TIAM1: variants seen among roughly 807,000 people sequenced by gnomAD.
The protein encoded by TIAM1 is TIAM Rac1 associated GEF 1.
A neutral mutation model predicts 163.5 loss-of-function variants in TIAM1; 65 were observed. That is an observed-to-expected ratio of 0.40 (90% CI 0.33 to 0.49). The LOEUF (loss-of-function observed/expected upper bound fraction) is 0.49, where lower values mean the gene tolerates loss of function less well. Among genes scored for constraint, TIAM1 ranks in the 20% least tolerant of loss-of-function variants. The pLI is 0.77. For synonymous variants in TIAM1, 833 were observed against 810.1 expected (o/e 1.03, Z -0.48); for missense variants, 1,789 against 2,044.7 (o/e 0.87, Z 2.41).
chr21:31,448,602 T>A (rs1321103884), intron 2 of TIAM1, among the ~76,000 whole-genome samples: 2 of 109,862 alleles, frequency 1.8e-5, no homozygotes, highest in African/African-American at 3.9e-5. Flanking sequence ...AGAGACTCCA[T>A]CTCAATTAAA....
chr21:31,152,354 C>T (rs928200526), intron 19 of TIAM1, among the ~76,000 whole-genome samples: 2 of 152,310 alleles, frequency 1.3e-5, no homozygotes, highest in Admixed American at 6.5e-5. Context: ...TTCTAATTCA[C>T]TGATAGCTAA....
intron 2 of TIAM1, among the ~76,000 whole-genome samples, chr21:31,337,657 G>C (rs767664874): frequency 5.3e-5 from 8 of 151,500 alleles, no homozygotes; most frequent in Admixed American, 1.3e-4. Context: ...TCAGCCTCCC[G>C]CGTAGCTGAG....
intron 5 of TIAM1, among the ~76,000 whole-genome samples, chr21:31,247,472 G>A (rs1055656314): frequency 6.6e-6 from 1 of 152,018 alleles, no homozygotes; most frequent in Admixed American, 6.5e-5. Context: ...ATAGCTCACT[G>A]CAGCCTTGAA....
At chr21:31,335,667 T>G (rs1408663689) in intron 2 of TIAM1, among the ~76,000 whole-genome samples, 1 of 150,162 alleles carries the variant, frequency 6.7e-6, no homozygotes, top group Non-Finnish European at 1.5e-5. Flanking sequence ...ATCACACCAC[T>G]GCACTCCAGC....
chr21:31,266,637 T>C lies in TIAM1; in HGVS notation c.336A>G (p.Val112=). 13 of 1,614,230 alleles carry C rather than the reference T, an allele frequency of 8.1e-6. No individual in the cohort carries two copies. The highest frequency in any genetic ancestry group is 1.1e-5 in the Non-Finnish European group (13 of 1,180,044). ...CTGCTGTGAGGACGATGCTGCTGTC[T>C]ACGCTGGGAGTGACAGAAGAGTCAG... ...SYTDSSVTPS[V]DSSIVLTAAS... Residue 112 remains valine (V), a synonymous_variant, in exon 4 of 28, where the codon GTA becomes GTG. Coordinates refer to ENST00000541036, the MANE Select transcript of TIAM1 (RefSeq NM_001353694.2).
intron 2 of TIAM1, among the ~76,000 whole-genome samples, chr21:31,329,516 C>T (rs2075607728): frequency 1.3e-5 from 2 of 151,584 alleles, no homozygotes; most frequent in South Asian, 2.1e-4. Flanking sequence ...CCCTGCTGTC[C>T]GTAACCACCC....
chr21:31,485,659 A>G (rs1306144511), intron 1 of TIAM1, among the ~76,000 whole-genome samples: 2 of 152,154 alleles, frequency 1.3e-5, no homozygotes, highest in Non-Finnish European at 1.5e-5. Flanking sequence ...CTCTAGAGAC[A>G]GCACACTCCT....
At chr21:31,448,598 T>C (rs1198983657) in intron 2 of TIAM1, among the ~76,000 whole-genome samples, 1 of 124,806 alleles carries the variant, frequency 8.0e-6, no homozygotes, top group Non-Finnish European at 1.6e-5. Flanking sequence ...AGAGAGAGAC[T>C]CCATCTCAAT....
In TIAM1 at chr21:31,339,409, C is replaced by T. The variant is rs1602035402; in HGVS notation, c.-355G>A. On this transcript the variant is annotated 5_prime_UTR_variant, in exon 2 of 28. Coordinates refer to ENST00000541036, the MANE Select transcript of TIAM1 (RefSeq NM_001353694.2). ...AGGTCTAGAAAGGTGGGTCTCAGTC[C>T]ACAGTGATTCTACCTATAAGAGCAA... The T allele has an allele frequency of 3.5e-5, 14 of 398,446 alleles. No individual in the cohort carries two copies. The Middle Eastern group carries it at 5.0e-3, about 141-fold the overall frequency. The allele number at this position is 398,446 out of a possible 1,614,324, so 24.7% of individuals were successfully genotyped here.
At chr21:31,166,679 T>C (rs914957226) in intron 15 of TIAM1, among the ~76,000 whole-genome samples, 3 of 152,332 alleles carry the variant, frequency 2.0e-5, no homozygotes, top group South Asian at 4.1e-4. Flanking sequence ...CTTAAGGTGG[T>C]AGTGGTCAAA....
intron 2 of TIAM1, among the ~76,000 whole-genome samples, chr21:31,402,471 C>A (rs945607034): frequency 6.6e-6 from 1 of 152,148 alleles, no homozygotes; most frequent in Admixed American, 6.5e-5. Flanking sequence ...GGACCAACGT[C>A]TCTTCCTGAT....
chr21:31,351,833 C>G (rs923857122), intron 2 of TIAM1, among the ~76,000 whole-genome samples: 4 of 152,164 alleles, frequency 2.6e-5, no homozygotes, highest in Middle Eastern at 3.4e-3. Context: ...TTTGGGAGGC[C>G]GAGGAGGGCA....
At chr21:31,361,206 T>C (rs575109861) in intron 2 of TIAM1, among the ~76,000 whole-genome samples, 1 of 152,186 alleles carries the variant, frequency 6.6e-6, no homozygotes, top group Non-Finnish European at 1.5e-5. Flanking sequence ...AAACTAGAGC[T>C]ACACCCAAGA....
At position 31,141,358 on chromosome 21, in the gene TIAM1, C is replaced by T. The variant is rs765183763; in HGVS notation, c.3622G>A (p.Asp1208Asn). 4.3e-6 allele frequency: 7 copies of T among 1,614,088 alleles called. No homozygotes were observed. The highest frequency in any genetic ancestry group is 1.7e-5 in the Admixed American group (1 of 60,016). The change falls in exon 21 of 28, where the codon GAT (aspartate) becomes AAT (asparagine). Residue 1208 changes from aspartate to asparagine, a missense_variant. Physicochemically the swap from Asp to Asn is conservative, Grantham distance 23 (BLOSUM62 1). Transcript: ENST00000541036. The surrounding 1 kb of genome is among the most constrained non-coding windows in gnomAD (Gnocchi z 4.7). ...TGGTAGTGCTCCTCGCTCTCCGCAT[C>T]GGTCAGGGCGAACAGCTCCCTGAGC... is the stretch of plus-strand genomic sequence containing the variant. ...LLLRELFALT[D>N]AESEEHYHLD...
chr21:31,376,737 G>A (rs1251925936), intron 2 of TIAM1, among the ~76,000 whole-genome samples: 1 of 152,010 alleles, frequency 6.6e-6, no homozygotes, highest in African/African-American at 2.4e-5. Flanking sequence ...TTAAAGTGCA[G>A]AGGAAATCTA....
At chr21:31,484,169 C>G (rs1057495163) in intron 1 of TIAM1, among the ~76,000 whole-genome samples, 1 of 152,178 alleles carries the variant, frequency 6.6e-6, no homozygotes, top group African/African-American at 2.4e-5. Context: ...CTTGGACTTC[C>G]CAGCCACCAG....
intron 2 of TIAM1, among the ~76,000 whole-genome samples, chr21:31,325,945 A>G (rs2075473675): frequency 6.6e-6 from 1 of 152,152 alleles, no homozygotes; most frequent in Non-Finnish European, 1.5e-5. Context: ...TTTAAAATGG[A>G]GCTAAAGACA....
In TIAM1 at chr21:31,182,190, T is replaced by C. The variant is rs532301153; in HGVS notation, c.2887+231A>G. On this transcript the variant is annotated intron_variant, in intron 15 of 27. Coordinates refer to ENST00000541036, the MANE Select transcript of TIAM1 (RefSeq NM_001353694.2). Reference sequence around the variant, plus strand: ...AGCAGAAGCATTATAAAGCTGCCCATGGGTGACAGGTGGATCTGTAGCAAA... The same window carrying C: ...AGCAGAAGCATTATAAAGCTGCCCACGGGTGACAGGTGGATCTGTAGCAAA... Among the ~76,000 whole-genome samples the C allele has an allele frequency of 5.9e-5, 9 of 152,238 alleles. No homozygotes were observed. In the South Asian group the frequency reaches 1.9e-3, roughly 32 times the overall value.
Position 31,336,440 on chromosome 21 carries a change from C to T in TIAM1, c.-189+2803G>A, listed in dbSNP as rs568508885. 7.9e-5 allele frequency among the ~76,000 whole-genome samples: 12 copies of T among 151,520 alleles called. No individual in the cohort carries two copies. In the South Asian group the frequency reaches 1.5e-3, roughly 18 times the overall value. On this transcript the variant is annotated intron_variant, in intron 2 of 27. Transcript: ENST00000541036. Reference sequence around the variant, plus strand: ...AGCAGCTGCAGTGTGAAAATACACACACAGGCTCACACAGAAATGGGCTAA... The same window carrying T: ...AGCAGCTGCAGTGTGAAAATACACATACAGGCTCACACAGAAATGGGCTAA...
Sources: allele counts gnomAD v4.1 joint callset (sites outside exome capture counted in the v4.1 genomes callset), GRCh38; gene constraint gnomAD v4.1.1; non-coding constraint Gnocchi (gnomAD v3.1); transcripts MANE v1.5; gene names NCBI Gene and HGNC (gene_info 2026-07-23, HGNC 2026-07-21).